DAB1: variants seen among roughly 807,000 people sequenced by gnomAD.
DAB1 encodes disabled homolog 1.
A neutral mutation model predicts 64.6 loss-of-function variants in DAB1; 15 were observed. The ratio of observed to expected loss-of-function variants is 0.23; its 90% CI spans 0.16 to 0.36. DAB1 has a LOEUF of 0.36. Ranked by LOEUF, DAB1 falls within the 10% of genes least tolerant of loss-of-function variation. DAB1 has a pLI of 1.00. For synonymous variants in DAB1, 235 were observed against 251.9 expected, an observed-to-expected ratio of 0.93 and a Z score of 0.64; for missense variants, 596 against 706.7, an observed-to-expected ratio of 0.84 and a Z score of 1.78.
intron 1 of DAB1, among the ~76,000 whole-genome samples, chr1:57,861,218 A>G (rs770329194): frequency 1.3e-5 from 2 of 152,200 alleles, no homozygotes; most frequent in African/African-American, 2.4e-5. Context: ...ACTCAGACGG[A>G]CCTTGTCTTA....
intron 2 of DAB1, among the ~76,000 whole-genome samples, chr1:57,237,087 T>C (rs1005589663): frequency 6.6e-6 from 1 of 152,144 alleles, no homozygotes; most frequent in Non-Finnish European, 1.5e-5. Context: ...GTCCCCATTT[T>C]CTCCTCCCAA....
intron 7 of DAB1, among the ~76,000 whole-genome samples, chr1:57,495,051 G>GA (rs1231085668): frequency 6.6e-6 from 1 of 152,072 alleles, no homozygotes; most frequent in Non-Finnish European, 1.5e-5. Context: ...ATCTTGCTAG[G>GA]AAAAAAGTAA....
chr1:57,991,864 A>ACAAAAC (rs1553151272), intron 5 of DAB1, among the ~76,000 whole-genome samples: 17 of 149,876 alleles, frequency 1.1e-4, no homozygotes, highest in African/African-American at 4.2e-4. Context: ...AAAAAAAAAA[A>ACAAAAC]AAAAAGGAGT....
intron 6 of DAB1, among the ~76,000 whole-genome samples, chr1:57,652,964 T>C (rs1022061115): frequency 3.9e-5 from 6 of 152,240 alleles, no homozygotes; most frequent in Non-Finnish European, 8.8e-5. Flanking sequence ...CAATTTTACC[T>C]TGTTGCATTT....
At chr1:57,553,710 A>C (rs1199211725) in intron 7 of DAB1, among the ~76,000 whole-genome samples, 1 of 152,072 alleles carries the variant, frequency 6.6e-6, no homozygotes, top group African/African-American at 2.4e-5. Context: ...AATGTTGTCA[A>C]TAGGAGCGAT....
chr1:57,576,091 T>A (rs150178297), intron 7 of DAB1, among the ~76,000 whole-genome samples: 1 of 152,260 alleles, frequency 6.6e-6, no homozygotes, highest in Non-Finnish European at 1.5e-5. Flanking sequence ...GCACATTCAG[T>A]AGAAATCGTA....
intron 3 of DAB1, among the ~76,000 whole-genome samples, chr1:58,418,076 C>A (rs1644738608): frequency 6.6e-6 from 1 of 152,092 alleles, no homozygotes; most frequent in Non-Finnish European, 1.5e-5. Context: ...AGCCCAATAC[C>A]CTGCCCCACC....
intron 5 of DAB1, among the ~76,000 whole-genome samples, chr1:58,120,419 G>A (rs77292608): frequency 4.8e-4 from 73 of 152,184 alleles, no homozygotes; most frequent in African/African-American, 1.7e-3. Context: ...AGCCTGGCCT[G>A]GATTCTATTC....
At chr1:57,112,627 C>A (rs900514219) in intron 4 of DAB1, among the ~76,000 whole-genome samples, 4 of 152,072 alleles carry the variant, frequency 2.6e-5, no homozygotes, top group Non-Finnish European at 4.4e-5. Context: ...CCATGAGTAA[C>A]AATTCCTTTG....
intron 4 of DAB1, among the ~76,000 whole-genome samples, chr1:58,325,482 T>G (rs1662799740): frequency 6.6e-6 from 1 of 152,182 alleles, no homozygotes; most frequent in Non-Finnish European, 1.5e-5. Context: ...AACAATATAA[T>G]TTATGCAAAT....
intron 3 of DAB1, among the ~76,000 whole-genome samples, chr1:58,367,466 G>A (rs562176495): frequency 6.6e-6 from 1 of 152,272 alleles, no homozygotes; most frequent in South Asian, 2.1e-4. Flanking sequence ...TGCAGGCCAT[G>A]CCCCACAGCA....
At chr1:58,237,300 A>G (rs371494454) in intron 4 of DAB1, among the ~76,000 whole-genome samples, 93 of 152,314 alleles carry the variant, frequency 6.1e-4, no homozygotes, top group African/African-American at 2.2e-3. Flanking sequence ...ATGAAAATGC[A>G]TGTACTCTAT....
intron 3 of DAB1, among the ~76,000 whole-genome samples, chr1:58,392,827 GC>G: frequency 6.6e-6 from 1 of 152,276 alleles, no homozygotes; most frequent in East Asian, 1.9e-4. Context: ...CTTCTGTATA[GC>G]ATTTGAGTTT....
intron 5 of DAB1, among the ~76,000 whole-genome samples, chr1:57,920,699 G>C (rs1292203070): frequency 6.6e-6 from 1 of 152,066 alleles, no homozygotes; most frequent in East Asian, 1.9e-4. Flanking sequence ...CTACTTCCTA[G>C]AGCTGTTTTG....
Position 57,655,510 on chromosome 1 carries a change from C to A in DAB1, n.552-5845G>T, listed in dbSNP as rs1397567433. ...ATTATACTTCATAAATATTTGTTGA[C>A]AGTCTAACTGTACCAAACACTGATT... On this transcript the variant is annotated intron_variant and non_coding_transcript_variant, in intron 6 of 20. Coordinates refer to the DAB1 transcript ENST00000485760. Among the ~76,000 whole-genome samples the A allele has an allele frequency of 2.0e-5, 3 of 152,184 alleles. No individual in the cohort carries two copies. The East Asian group carries it at 5.8e-4, about 29-fold the overall frequency.
chr1:57,831,521 A>G (rs1329853328), intron 1 of DAB1, among the ~76,000 whole-genome samples: 2 of 149,504 alleles, frequency 1.3e-5, no homozygotes, highest in East Asian at 3.9e-4. Context: ...TAAATAATAC[A>G]TATTTATTTT....
At chr1:57,981,858 A>T (rs1230524977) in intron 5 of DAB1, among the ~76,000 whole-genome samples, 1 of 152,222 alleles carries the variant, frequency 6.6e-6, no homozygotes, top group Admixed American at 6.5e-5. Flanking sequence ...GATACTGTTC[A>T]ATAAATATGA....
intron 5 of DAB1, among the ~76,000 whole-genome samples, chr1:57,965,071 GCA>G (rs1645628854): frequency 6.6e-6 from 1 of 152,180 alleles, no homozygotes; most frequent in Non-Finnish European, 1.5e-5. Flanking sequence ...AGAATGGATG[GCA>G]AAGAGATATG....
intron 5 of DAB1, among the ~76,000 whole-genome samples, chr1:57,946,605 G>A (rs1645187324): frequency 6.6e-6 from 1 of 152,142 alleles, no homozygotes; most frequent in Admixed American, 6.5e-5. Flanking sequence ...AGAAAGAGGG[G>A]ATGCGGTCTG....
Sources: gnomAD v4.1 joint callset for allele counts (sites outside exome capture counted in the v4.1 genomes callset) on GRCh38, gnomAD v4.1.1 for gene constraint, MANE v1.5 for transcripts, NCBI Gene and HGNC (gene_info 2026-07-23, HGNC 2026-07-21) for gene names.